Variants in NUDCD3 observed in about 807,000 individuals in gnomAD.
NUDCD3 encodes nudC domain-containing protein 3.
NUDCD3 carries 13 observed loss-of-function variants against 39.7 expected under a neutral mutation model. That is an observed-to-expected ratio of 0.33 (90% CI 0.21 to 0.52). The LOEUF is 0.52. Among genes scored for constraint, NUDCD3 ranks in the 20% least tolerant of loss-of-function variants. The pLI is 0.96. For missense variants in NUDCD3, 453 were observed against 458.1 expected, an observed-to-expected ratio of 0.99 and a Z score of 0.10; for synonymous variants, 175 against 172.4, an observed-to-expected ratio of 1.02 and a Z score of -0.12.
chr7:44,488,338 GAAAA>G (rs368893785), intron 1 of NUDCD3, among the ~76,000 whole-genome samples: 5 of 108,244 alleles, frequency 4.6e-5, no homozygotes, highest in Admixed American at 2.1e-4. Context: ...CCATCTCCAG[GAAAA>G]AAAAAAAAAA....
intron 4 of NUDCD3, among the ~76,000 whole-genome samples, chr7:44,399,633 T>C (rs7777265): frequency 0.22 from 33,143 of 151,926 alleles, 3,993 homozygotes; most frequent in African/African-American, 0.28. Context: ...CAAAGATAAG[T>C]GAAGATGAAA....
intron 5 of NUDCD3, among the ~76,000 whole-genome samples, chr7:44,390,747 T>A (rs1798498268): frequency 6.6e-6 from 1 of 151,966 alleles, no homozygotes; most frequent in South Asian, 2.1e-4. Context: ...CCCCAAACAC[T>A]ACCATGAGAA....
rs370474296 is a variant in NUDCD3 at position 44,478,115 on chromosome 7, T to A, written c.509+6853A>T. Among the ~76,000 whole-genome samples, 77 of 152,334 alleles carry A rather than the reference T, an allele frequency of 5.1e-4. 1 individual carries two copies. The East Asian group carries it at 0.014, about 27-fold the overall frequency. On this transcript the variant is annotated intron_variant, in intron 2 of 5. Transcript: ENST00000355451. ...TCTAACAGTGCTGAGATTACAGGCA[T>A]GAGCCACCACACCCAGCCTGAACAA...
At chr7:44,445,492 C>T (rs1431637640) in intron 2 of NUDCD3, among the ~76,000 whole-genome samples, 4 of 152,240 alleles carry the variant, frequency 2.6e-5, no homozygotes, top group African/African-American at 9.6e-5. Flanking sequence ...CTCCCTCTGA[C>T]CAGGTGCTTG....
chr7:44,390,833 T>A (rs1798500640), intron 5 of NUDCD3, among the ~76,000 whole-genome samples: 1 of 152,196 alleles, frequency 6.6e-6, no homozygotes, highest in South Asian at 2.1e-4. Flanking sequence ...ATAACTGGAA[T>A]GAGCCATAAC....
At chr7:44,483,888 G>A (rs1800547257) in intron 2 of NUDCD3, among the ~76,000 whole-genome samples, 1 of 152,166 alleles carries the variant, frequency 6.6e-6, no homozygotes, top group Admixed American at 6.5e-5. Flanking sequence ...CATGCCTATG[G>A]TCCCAGCTAC....
At chr7:44,481,778 C>T (rs575678788) in intron 2 of NUDCD3, among the ~76,000 whole-genome samples, 3 of 152,312 alleles carry the variant, frequency 2.0e-5, no homozygotes, top group East Asian at 3.9e-4. Context: ...AAAATTCCTA[C>T]GGTAAATCTT....
chr7:44,415,158 C>G (rs1798996725), intron 3 of NUDCD3, among the ~76,000 whole-genome samples: 1 of 152,210 alleles, frequency 6.6e-6, no homozygotes, highest in Non-Finnish European at 1.5e-5. Flanking sequence ...AGAGTTTTCT[C>G]ATCTGCAAAA....
rs1359031118 is a variant in NUDCD3, at chr7:44,392,210, G to A, written c.975+87C>T. On this transcript the variant is annotated intron_variant, in intron 5 of 5. Transcript: ENST00000355451. ...GGTCCACACAACCTTCTTCCCCACC[G>A]TCATCACCAACCCCTCTGCCACTAT... 4.9e-5 allele frequency: 66 copies of A among 1,336,082 alleles called. No individual in the cohort carries two copies. In the South Asian group the frequency reaches 5.8e-4, roughly 12 times the overall value. The allele number at this position is 1,336,082 out of a possible 1,614,324, so 82.8% of individuals were successfully genotyped here.
At chr7:44,471,519 G>T (rs1312445699) in intron 2 of NUDCD3, among the ~76,000 whole-genome samples, 1 of 152,206 alleles carries the variant, frequency 6.6e-6, no homozygotes, top group African/African-American at 2.4e-5. Flanking sequence ...TCTGCTGACA[G>T]AATGAGCAGG....
At chr7:44,434,733 G>A (rs1281559360) in intron 2 of NUDCD3, among the ~76,000 whole-genome samples, 1 of 152,164 alleles carries the variant, frequency 6.6e-6, no homozygotes, top group African/African-American at 2.4e-5. Flanking sequence ...CAGTTTCCCT[G>A]AATGCTCTGT....
At chr7:44,389,184 C>T (rs1167922137) in intron 5 of NUDCD3, among the ~76,000 whole-genome samples, 4 of 152,278 alleles carry the variant, frequency 2.6e-5, no homozygotes, top group African/African-American at 4.8e-5. Flanking sequence ...TGTGTGCAAG[C>T]ATGTATGTGC....
chr7:44,458,198 A>G (rs991282727), intron 2 of NUDCD3, among the ~76,000 whole-genome samples: 1 of 152,254 alleles, frequency 6.6e-6, no homozygotes, highest in African/African-American at 2.4e-5. Context: ...CCATTAAGTG[A>G]GAAAAGCCAG....
intron 3 of NUDCD3, chr7:44,426,211 G>A (rs1292729197): frequency 9.2e-6 from 9 of 975,542 alleles, no homozygotes; most frequent in Non-Finnish European, 1.1e-5. Context: ...AATAAATTTT[G>A]TGTTTGTTGC....
chr7:44,450,543 G>A (rs1563180919), intron 2 of NUDCD3, among the ~76,000 whole-genome samples: 2 of 152,140 alleles, frequency 1.3e-5, no homozygotes, highest in South Asian at 2.1e-4. Context: ...TGTAATCCTA[G>A]CACTCTGGGA....
intron 4 of NUDCD3, among the ~76,000 whole-genome samples, chr7:44,399,724 A>G (rs573771820): frequency 6.6e-6 from 1 of 152,334 alleles, no homozygotes; most frequent in African/African-American, 2.4e-5. Context: ...CACCAGGGAG[A>G]ACCACAGCAA....
chr7:44,456,599 T>A (rs536199675), intron 2 of NUDCD3, among the ~76,000 whole-genome samples: 20 of 152,218 alleles, frequency 1.3e-4, no homozygotes, highest in African/African-American at 3.9e-4. Flanking sequence ...CAAGGCCTCA[T>A]CTCTACTTTA....
intron 3 of NUDCD3, among the ~76,000 whole-genome samples, chr7:44,422,459 C>T (rs2116895286): frequency 6.6e-6 from 1 of 152,134 alleles, no homozygotes; most frequent in East Asian, 1.9e-4. Context: ...GGAGATATCA[C>T]CACTGATCCC....
chr7:44,403,573 C>T (rs1798762412), intron 4 of NUDCD3, among the ~76,000 whole-genome samples: 1 of 152,172 alleles, frequency 6.6e-6, no homozygotes, highest in African/African-American at 2.4e-5. Flanking sequence ...ATGAGGACAG[C>T]CAGGACAGAG....
Sources: allele counts gnomAD v4.1 joint callset (sites outside exome capture counted in the v4.1 genomes callset), GRCh38; gene constraint gnomAD v4.1.1; transcripts MANE v1.5; gene names NCBI Gene and HGNC (gene_info 2026-07-23, HGNC 2026-07-21).